The following OPCML variants were observed in gnomAD, a reference collection of about 807,000 sequenced individuals.
OPCML encodes opioid binding protein/cell adhesion molecule like.
A neutral mutation model predicts 37.8 loss-of-function variants in OPCML; 13 were observed. The ratio of observed to expected loss-of-function variants is 0.34; its 90% CI spans 0.22 to 0.55. The LOEUF (loss-of-function observed/expected upper bound fraction) is 0.55, where lower values mean the gene tolerates loss of function less well. Ranked by LOEUF, OPCML falls within the 20% of genes least tolerant of loss-of-function variation. The probability of loss-of-function intolerance (pLI) is 0.91; values close to 1 mark genes in which losing one functional copy is unlikely to be tolerated. For synonymous variants in OPCML, 176 were observed against 168.8 expected (o/e 1.04, Z -0.33); for missense variants, 341 against 435.6 (o/e 0.78, Z 1.93).
intron 1 of OPCML, among the ~76,000 whole-genome samples, chr11:133,055,487 T>C (rs1001615354): frequency 6.7e-6 from 1 of 149,850 alleles, no homozygotes; most frequent in Non-Finnish European, 1.5e-5. Flanking sequence ...CGTACAATGC[T>C]GCCTCCATGA....
At chr11:132,794,092 C>T (rs1056335992) in intron 2 of OPCML, among the ~76,000 whole-genome samples, 1 of 152,186 alleles carries the variant, frequency 6.6e-6, no homozygotes, top group Non-Finnish European at 1.5e-5. Context: ...ATCCTCCTAC[C>T]TCCACCGTGT....
At position 133,068,226 on chromosome 11, in the gene OPCML, G is replaced by A. The variant is rs906203182; in HGVS notation, c.62-125216C>T. ...TCTGCCCTTCTGAAGTAGAATCCCA[G>A]GCATTCTGGTTTATTGGGAATAGAG... On this transcript the variant is annotated intron_variant, in intron 1 of 7. Transcript: ENST00000524381. The A allele has an allele frequency of 2.0e-5, 3 of 152,184 alleles. No individual in the cohort carries two copies. The South Asian group carries it at 6.2e-4, about 32-fold the overall frequency. 9.4% of individuals were successfully genotyped at this position (152,184 alleles called of 1,614,324 possible). A position where few individuals can be genotyped will look rare whatever the true frequency, so the allele number is the denominator to read the frequency against.
At chr11:132,624,941 A>G (rs1939649157) in intron 3 of OPCML, among the ~76,000 whole-genome samples, 1 of 152,172 alleles carries the variant, frequency 6.6e-6, no homozygotes, top group Non-Finnish European at 1.5e-5. Context: ...ATTCAAATTT[A>G]ACTGGGTATC....
chr11:132,846,232 C>T (rs11223245), intron 2 of OPCML, among the ~76,000 whole-genome samples: 11 of 152,130 alleles, frequency 7.2e-5, no homozygotes, highest in Non-Finnish European at 1.6e-4. Flanking sequence ...GCCTCATTGT[C>T]TCAATGTACT....
chr11:132,785,142 A>G lies in OPCML; in HGVS notation c.147-127823T>C, dbSNP rs556819218. On this transcript the variant is annotated intron_variant, in intron 2 of 7. Coordinates refer to ENST00000524381, the MANE Select transcript of OPCML (RefSeq NM_001012393.5). Reference sequence around the variant, plus strand: ...ATTACAAGAACCTGAAGTTCAGTCCACATAGCATTTTCACAAATAATAATG... The same window carrying G: ...ATTACAAGAACCTGAAGTTCAGTCCGCATAGCATTTTCACAAATAATAATG... 2.6e-5 allele frequency among the ~76,000 whole-genome samples: 4 copies of G among 152,362 alleles called. No individual in the cohort carries two copies. In the East Asian group the frequency reaches 5.8e-4, roughly 22 times the overall value.
intron 2 of OPCML, among the ~76,000 whole-genome samples, chr11:132,852,517 G>A (rs1285104367): frequency 6.6e-6 from 1 of 152,066 alleles, no homozygotes; most frequent in Non-Finnish European, 1.5e-5. Context: ...AATAGTGGGT[G>A]GAACTTCTGG....
At chr11:133,154,938 G>A (rs918047137) in intron 1 of OPCML, among the ~76,000 whole-genome samples, 9 of 152,204 alleles carry the variant, frequency 5.9e-5, no homozygotes, top group African/African-American at 2.2e-4. Context: ...CGTTGCTTGT[G>A]TCTTTCCAGA....
intron 2 of OPCML, among the ~76,000 whole-genome samples, chr11:132,660,189 A>C (rs1419976863): frequency 6.6e-6 from 1 of 152,210 alleles, no homozygotes; most frequent in Non-Finnish European, 1.5e-5. Flanking sequence ...CACTGCTAGA[A>C]TGAGATGGAG....
chr11:132,717,198 G>T (rs1944525549), intron 2 of OPCML, among the ~76,000 whole-genome samples: 1 of 152,120 alleles, frequency 6.6e-6, no homozygotes, highest in South Asian at 2.1e-4. Flanking sequence ...GTTATTGGAT[G>T]CTAACAGTCT....
chr11:132,869,303 C>T (rs1942701861), intron 2 of OPCML, among the ~76,000 whole-genome samples: 1 of 152,200 alleles, frequency 6.6e-6, no homozygotes, highest in African/African-American at 2.4e-5. Flanking sequence ...ATCCAGGTGA[C>T]AGCCCAAGGG....
rs71477795 is a variant in OPCML, at chr11:133,433,251, C to CAAAAAAAAAAAAAAAAAA, written c.61+98995_61+99012dup. ...TGGGCGACAGAGCGAGACTCCGTCTCAAAAAAAAAAAAAAAAAAATATTAC... is the reference window on the plus strand; with the variant it reads ...TGGGCGACAGAGCGAGACTCCGTCTCAAAAAAAAAAAAAAAAAAAAAAAAAAAAAAAAAAAAATATTAC... On this transcript the variant is annotated intron_variant, in intron 1 of 7. Coordinates refer to ENST00000524381, the MANE Select transcript of OPCML (RefSeq NM_001012393.5). Among the ~76,000 whole-genome samples the CAAAAAAAAAAAAAAAAAA allele has an allele frequency of 4.2e-3, 384 of 90,590 alleles. 31 individuals carry two copies. The highest frequency in any genetic ancestry group is 0.016 in the African/African-American group (355 of 21,710). 59.4% of individuals were successfully genotyped at this position (90,590 alleles called of 152,430 possible).
At chr11:133,378,616 T>A (rs958620180) in intron 1 of OPCML, among the ~76,000 whole-genome samples, 1 of 152,218 alleles carries the variant, frequency 6.6e-6, no homozygotes, top group African/African-American at 2.4e-5. Flanking sequence ...GTATTTTTAA[T>A]CCTTTCTCTT....
intron 1 of OPCML, among the ~76,000 whole-genome samples, chr11:132,946,457 T>C (rs918185430): frequency 6.6e-6 from 1 of 152,164 alleles, no homozygotes; most frequent in Admixed American, 6.5e-5. Flanking sequence ...ACCGGCAGCA[T>C]AGTAGGGTTT....
Position 132,979,504 on chromosome 11 carries a change from C to T in OPCML, c.62-36494G>A, listed in dbSNP as rs906002689. Among the ~76,000 whole-genome samples the T allele has an allele frequency of 2.6e-5, 4 of 152,226 alleles. 1 individual carries two copies. The highest frequency in any genetic ancestry group is 4.1e-4 in the South Asian group (2 of 4,836). ...CAAACATCCACAGGATGGCCTCTGC[C>T]GAGAGGTTTTTGCTCCAGTGTTCTC... On this transcript the variant is annotated intron_variant, in intron 1 of 7. Coordinates refer to ENST00000524381, the MANE Select transcript of OPCML (RefSeq NM_001012393.5).
intron 1 of OPCML, among the ~76,000 whole-genome samples, chr11:133,154,194 G>A (rs921505342): frequency 6.7e-6 from 1 of 149,226 alleles, no homozygotes; most frequent in Non-Finnish European, 1.5e-5. Context: ...ATTCCCATCC[G>A]CACGAATGTG....
chr11:132,806,601 C>T (rs1033772583), intron 2 of OPCML, among the ~76,000 whole-genome samples: 4 of 152,054 alleles, frequency 2.6e-5, no homozygotes, highest in African/African-American at 9.7e-5. Flanking sequence ...TATCAAAATC[C>T]ATAAAGCAAA....
intron 1 of OPCML, among the ~76,000 whole-genome samples, chr11:132,963,044 G>A (rs1214358839): frequency 7.9e-5 from 12 of 152,124 alleles, no homozygotes; most frequent in Non-Finnish European, 2.9e-5. Context: ...CCACCCCTGG[G>A]CTCCAACACG....
At chr11:133,026,117 G>A in intron 1 of OPCML, 2 of 982,268 alleles carry the variant, frequency 2.0e-6, no homozygotes, top group Non-Finnish European at 2.4e-6. Context: ...GTTTTCTGTT[G>A]CACATAATAA....
intron 2 of OPCML, among the ~76,000 whole-genome samples, chr11:132,698,501 A>T (rs1289573990): frequency 6.6e-6 from 1 of 151,998 alleles, no homozygotes; most frequent in Non-Finnish European, 1.5e-5. Flanking sequence ...TTTTCTTGTC[A>T]TTAAGTTGAG....
Sources: allele counts gnomAD v4.1 joint callset (sites outside exome capture counted in the v4.1 genomes callset), GRCh38; gene constraint gnomAD v4.1.1; transcripts MANE v1.5; gene names NCBI Gene and HGNC (gene_info 2026-07-23, HGNC 2026-07-21).